The following FRMD4A variants were observed in gnomAD, a reference collection of about 807,000 sequenced individuals.
FRMD4A encodes the protein FERM domain containing 4A, also known as FERM domain-containing protein 4A.
FRMD4A carries 29 observed loss-of-function variants against 129.1 expected under a neutral mutation model. That is an observed-to-expected ratio of 0.22 (90% CI 0.17 to 0.31). The LOEUF (loss-of-function observed/expected upper bound fraction) is 0.31, where lower values mean the gene tolerates loss of function less well. FRMD4A is among the 10% of genes least tolerant of loss of function. FRMD4A has a pLI of 1.00. For synonymous variants in FRMD4A, 634 were observed against 571.6 expected (o/e 1.11, Z -1.56); for missense variants, 1,272 against 1,375.8 (o/e 0.92, Z 1.19).
chr10:14,134,363 G>A (rs1044581664), intron 2 of FRMD4A, among the ~76,000 whole-genome samples: 4 of 151,732 alleles, frequency 2.6e-5, no homozygotes, highest in Non-Finnish European at 5.9e-5. Flanking sequence ...ATGAATGGAT[G>A]GGTAGATGGA....
Position 13,859,045 on chromosome 10 carries a change from G to A in FRMD4A, c.46-133C>T, listed in dbSNP as rs1589057389. On this transcript the variant is annotated intron_variant, in intron 2 of 24. Transcript: ENST00000357447. ...CCTCTGGGAGTCGGCACTGTATAAT[G>A]CCAGGAGTTGGAAGGATCAGTTCAT... 8 of 689,296 alleles carry A rather than the reference G, an allele frequency of 1.2e-5. No individual in the cohort carries two copies. The East Asian group carries it at 1.8e-4, about 15-fold the overall frequency. The allele number at this position is 689,296 out of a possible 1,614,324, so 42.7% of individuals were successfully genotyped here.
intron 2 of FRMD4A, among the ~76,000 whole-genome samples, chr10:14,237,154 A>C (rs916073030): frequency 2.6e-5 from 4 of 152,148 alleles, no homozygotes; most frequent in Admixed American, 2.6e-4. Flanking sequence ...ACAGCTGCAC[A>C]GAAGTCAGAT....
chr10:14,040,657 T>G (rs1334865734), intron 2 of FRMD4A, among the ~76,000 whole-genome samples: 2 of 152,204 alleles, frequency 1.3e-5, no homozygotes, highest in African/African-American at 4.8e-5. Context: ...ATCTAGACTT[T>G]CCACCTGCAG....
intron 2 of FRMD4A, among the ~76,000 whole-genome samples, chr10:14,304,006 T>G (rs1011307438): frequency 1.3e-5 from 2 of 152,226 alleles, no homozygotes; most frequent in African/African-American, 4.8e-5. Flanking sequence ...ATTTTACATA[T>G]ACAGCATACC....
chr10:13,796,141 T>C (rs761351686), intron 5 of FRMD4A, among the ~76,000 whole-genome samples: 11 of 152,118 alleles, frequency 7.2e-5, no homozygotes, highest in Admixed American at 3.3e-4. Context: ...AAGGCTTTTG[T>C]TATGTAGTTT....
intron 3 of FRMD4A, among the ~76,000 whole-genome samples, chr10:13,841,190 T>G (rs2093959554): frequency 6.6e-6 from 1 of 152,156 alleles, no homozygotes; most frequent in Non-Finnish European, 1.5e-5. Flanking sequence ...TACATTAACT[T>G]TTGTCTTGTT....
At chr10:14,321,504 T>A (rs1258222777) in intron 2 of FRMD4A, among the ~76,000 whole-genome samples, 1 of 152,102 alleles carries the variant, frequency 6.6e-6, no homozygotes, top group South Asian at 2.1e-4. Context: ...TGTGAGAGTA[T>A]GAATTTTGAG....
At chr10:14,130,470 C>G (rs1839186018) in intron 2 of FRMD4A, among the ~76,000 whole-genome samples, 1 of 152,148 alleles carries the variant, frequency 6.6e-6, no homozygotes, top group Non-Finnish European at 1.5e-5. Context: ...CTATGATGCC[C>G]AGGCTCCTGG....
At chr10:13,763,797 G>A (rs1464285234) in intron 6 of FRMD4A, among the ~76,000 whole-genome samples, 1 of 152,060 alleles carries the variant, frequency 6.6e-6, no homozygotes, top group Non-Finnish European at 1.5e-5. Flanking sequence ...GTGCAGTGGT[G>A]CGATCTTGGC....
chr10:13,762,040 G>T (rs566857062), intron 7 of FRMD4A, among the ~76,000 whole-genome samples: 1 of 152,294 alleles, frequency 6.6e-6, no homozygotes, highest in East Asian at 1.9e-4. Context: ...TTTTATGCTA[G>T]TTCCCAATTA....
intron 14 of FRMD4A, among the ~76,000 whole-genome samples, chr10:13,696,271 C>A (rs1188160681): frequency 6.6e-6 from 1 of 152,114 alleles, no homozygotes; most frequent in East Asian, 1.9e-4. Flanking sequence ...TGAGTTTTAC[C>A]CTCTAAGCAA....
chr10:13,707,006 A>G (rs769858640), intron 13 of FRMD4A, 31 bp downstream of exon 13: 3 of 1,179,500 alleles, frequency 2.5e-6, no homozygotes, highest in African/African-American at 1.5e-5. Flanking sequence ...GAGCCACGCC[A>G]TCCCGCAAGA....
At chr10:14,110,025 A>T (rs1273977540) in intron 2 of FRMD4A, among the ~76,000 whole-genome samples, 2 of 140,578 alleles carry the variant, frequency 1.4e-5, no homozygotes, top group Non-Finnish European at 3.0e-5. Flanking sequence ...TCAACTCGGG[A>T]GGCTGAGGTG....
intron 2 of FRMD4A, chr10:13,891,543 C>A: frequency 1.1e-6 from 1 of 934,354 alleles, no homozygotes; most frequent in East Asian, 1.2e-4. Context: ...TTTTCCCCGG[C>A]CCAGCGTGAA....
At chr10:14,311,561 C>A (rs1846548320) in intron 2 of FRMD4A, among the ~76,000 whole-genome samples, 2 of 130,014 alleles carry the variant, frequency 1.5e-5, no homozygotes, top group Admixed American at 1.5e-4. Context: ...ACATGGTACC[C>A]CCCACCCTCC....
rs764938573 is a variant in FRMD4A, at chr10:13,858,929, A to G, written c.46-17T>C. On this transcript the variant is annotated splice_polypyrimidine_tract_variant and intron_variant, in intron 2 of 24. Coordinates refer to ENST00000357447, the MANE Select transcript of FRMD4A (RefSeq NM_018027.5). The stretch of plus-strand genomic sequence containing the variant: ...CTCCGTCATCTAAGAGGGAAGAGAA[A>G]TGGTAGTCACTGAGAGTCTAGCAGC... 9 of 1,512,696 alleles carry G rather than the reference A, an allele frequency of 5.9e-6. No individual in the cohort carries two copies. Among genetic ancestry groups the G allele is most frequent in the Non-Finnish European group, 8.3e-6 (9 of 1,087,636 alleles). The allele number at this position is 1,512,696 out of a possible 1,614,324, so 93.7% of individuals were successfully genotyped here.
chr10:14,131,128 T>C (rs1038959493), intron 2 of FRMD4A, among the ~76,000 whole-genome samples: 2 of 152,202 alleles, frequency 1.3e-5, no homozygotes, highest in African/African-American at 4.8e-5. Flanking sequence ...GTTGCAGCAT[T>C]TGTAGTAGAG....
chr10:14,063,834 T>G (rs974078037), intron 2 of FRMD4A, among the ~76,000 whole-genome samples: 1 of 152,082 alleles, frequency 6.6e-6, no homozygotes, highest in Non-Finnish European at 1.5e-5. Flanking sequence ...AGTCAAAACA[T>G]GCGAATTAAC....
At chr10:13,690,999 T>C (rs144194913) in intron 15 of FRMD4A, among the ~76,000 whole-genome samples, 1,964 of 152,292 alleles carry the variant, frequency 0.013, 19 homozygotes, top group African/African-American at 0.019. Context: ...TGTGTGTGTG[T>C]GTGAGAGAGA....
Sources: gnomAD v4.1 joint callset for allele counts (sites outside exome capture counted in the v4.1 genomes callset) on GRCh38, gnomAD v4.1.1 for gene constraint, MANE v1.5 for transcripts, NCBI Gene and HGNC (gene_info 2026-07-23, HGNC 2026-07-21) for gene names.